HMGB1: variants seen among roughly 807,000 people sequenced by gnomAD.
HMGB1 encodes high mobility group protein B1.
For missense variants in HMGB1, 79 were observed against 253.5 expected, an observed-to-expected ratio of 0.31 and a Z score of 4.67; for synonymous variants, 81 against 84.0, an observed-to-expected ratio of 0.96 and a Z score of 0.19.
Position 30,554,078 on chromosome 13 carries a change from T to C in HMGB1, c.-15+62593A>G, listed in dbSNP as rs1324950499. 4 of 1,329,712 alleles carry C rather than the reference T, an allele frequency of 3.0e-6. No homozygotes were observed. In the South Asian group the frequency reaches 3.5e-5, roughly 12 times the overall value. 82.4% of individuals were successfully genotyped at this position (1,329,712 alleles called of 1,614,324 possible). ...CAACAGATGACCAAAAGATGCTGTT[T>C]AAAGAAACGGGATTCAATGTGAAGC... On this transcript the variant is annotated intron_variant, in intron 1 of 4. Coordinates refer to the HMGB1 transcript ENST00000405805.
At chr13:30,464,316 T>C (rs920267004) in intron 1 of HMGB1, 1 of 985,426 alleles carries the variant, frequency 1.0e-6, no homozygotes, top group Non-Finnish European at 1.2e-6. Context: ...GAGATGTATT[T>C]CTGTTCTGAC....
chr13:30,482,488 A>G (rs1887254302), intron 1 of HMGB1, among the ~76,000 whole-genome samples: 2 of 152,204 alleles, frequency 1.3e-5, no homozygotes, highest in African/African-American at 4.8e-5. Flanking sequence ...TTACCTCATT[A>G]TAATTATCAC....
intron 1 of HMGB1, among the ~76,000 whole-genome samples, chr13:30,528,887 G>C (rs1888432325): frequency 6.6e-6 from 1 of 152,018 alleles, no homozygotes; most frequent in African/African-American, 2.4e-5. Flanking sequence ...AAATTAGCCA[G>C]GCGTGGTGGC....
chr13:30,483,104 A>T (rs1351823569), intron 1 of HMGB1, among the ~76,000 whole-genome samples: 2 of 152,070 alleles, frequency 1.3e-5, no homozygotes, highest in South Asian at 2.1e-4. Context: ...TTTACCAATT[A>T]TTGAGGAGCA....
At chr13:30,493,036 C>T (rs1407201074) in intron 1 of HMGB1, among the ~76,000 whole-genome samples, 4 of 151,332 alleles carry the variant, frequency 2.6e-5, no homozygotes, top group Non-Finnish European at 5.9e-5. Flanking sequence ...ATACACCTGC[C>T]ATTCAACCTC....
chr13:30,462,428 C>A (rs1230258169), intron 4 of HMGB1, 110 bp downstream of exon 4: 9 of 874,824 alleles, frequency 1.0e-5, no homozygotes, highest in Non-Finnish European at 1.6e-5. Context: ...TATATCAACA[C>A]CATACTTAAT....
chr13:30,523,106 G>A (rs2137476828), intron 1 of HMGB1, among the ~76,000 whole-genome samples: 1 of 152,292 alleles, frequency 6.6e-6, no homozygotes, highest in South Asian at 2.1e-4. Context: ...AACAGTTCTT[G>A]TAGTTATAAC....
chr13:30,604,098 T>C (rs1465816088), intron 1 of HMGB1, among the ~76,000 whole-genome samples: 1 of 148,812 alleles, frequency 6.7e-6, no homozygotes, highest in Non-Finnish European at 1.5e-5. Context: ...ATCCATCTAG[T>C]GGAAACGATG....
intron 1 of HMGB1, among the ~76,000 whole-genome samples, chr13:30,572,152 C>A (rs1452397758): frequency 6.6e-6 from 1 of 152,128 alleles, no homozygotes; most frequent in Non-Finnish European, 1.5e-5. Context: ...TAAAACAATG[C>A]CAGGCAGAGG....
chr13:30,551,225 C>T (rs763423576), intron 1 of HMGB1, among the ~76,000 whole-genome samples: 2 of 152,184 alleles, frequency 1.3e-5, no homozygotes, highest in Non-Finnish European at 2.9e-5. Flanking sequence ...AAACTAAGCA[C>T]CTTAATTCAT....
At chr13:30,499,118 A>G (rs1281993024) in intron 1 of HMGB1, among the ~76,000 whole-genome samples, 1 of 151,850 alleles carries the variant, frequency 6.6e-6, no homozygotes, top group Non-Finnish European at 1.5e-5. Flanking sequence ...ATGCCCAGCT[A>G]ATTTTTATAT....
At chr13:30,591,146 T>C (rs1247028882) in intron 1 of HMGB1, among the ~76,000 whole-genome samples, 2 of 149,830 alleles carry the variant, frequency 1.3e-5, no homozygotes, top group African/African-American at 2.5e-5. Context: ...TTCTCCTGTC[T>C]CAGCCTCCCA....
chr13:30,582,626 A>G (rs1203168255), intron 1 of HMGB1, among the ~76,000 whole-genome samples: 2 of 151,776 alleles, frequency 1.3e-5, no homozygotes, highest in Non-Finnish European at 2.9e-5. Flanking sequence ...TGACAGAGCA[A>G]GACTCCATCT....
chr13:30,475,512 T>C (rs943872031), intron 1 of HMGB1, among the ~76,000 whole-genome samples: 1 of 150,172 alleles, frequency 6.7e-6, no homozygotes, highest in African/African-American at 2.5e-5. Flanking sequence ...TGTGCCCGGT[T>C]TGAGACCATC....
chr13:30,532,006 A>G (rs1251283608), intron 1 of HMGB1, among the ~76,000 whole-genome samples: 1 of 152,036 alleles, frequency 6.6e-6, no homozygotes, highest in Non-Finnish European at 1.5e-5. Context: ...CGTTTATGGT[A>G]TTATAGATTT....
At chr13:30,602,099 G>A (rs1365901917) in intron 1 of HMGB1, among the ~76,000 whole-genome samples, 1 of 151,798 alleles carries the variant, frequency 6.6e-6, no homozygotes, top group East Asian at 1.9e-4. Context: ...ATGTCACCGG[G>A]GATACCAGCA....
intron 1 of HMGB1, among the ~76,000 whole-genome samples, chr13:30,573,713 C>T (rs909062355): frequency 1.3e-4 from 20 of 150,774 alleles, no homozygotes; most frequent in Admixed American, 4.6e-4. Context: ...TGCAATGGCA[C>T]GATCATGGCT....
At chr13:30,592,540 T>C (rs1216828113) in intron 1 of HMGB1, among the ~76,000 whole-genome samples, 1 of 152,200 alleles carries the variant, frequency 6.6e-6, no homozygotes, top group Admixed American at 6.5e-5. Flanking sequence ...GGTATTTTAT[T>C]TCCAGGTTTA....
intron 1 of HMGB1, among the ~76,000 whole-genome samples, chr13:30,503,394 T>C (rs1352715817): frequency 6.6e-6 from 1 of 151,804 alleles, no homozygotes; most frequent in Non-Finnish European, 1.5e-5. Flanking sequence ...GTAATGTAGA[T>C]AAAGTGTTTA....
Sources: allele counts gnomAD v4.1 joint callset (sites outside exome capture counted in the v4.1 genomes callset), GRCh38; gene constraint gnomAD v4.1.1; transcripts MANE v1.5; gene names NCBI Gene and HGNC (gene_info 2026-07-23, HGNC 2026-07-21).